The following ZBTB46 variants were observed in gnomAD, a reference collection of about 807,000 sequenced individuals.
ZBTB46 encodes zinc finger and BTB domain-containing protein 46.
Under a neutral mutation model 44.1 loss-of-function variants are expected in ZBTB46, and 8 were observed. That is an observed-to-expected ratio of 0.18 (90% CI 0.11 to 0.33). The LOEUF is 0.33. ZBTB46 is among the 10% of genes least tolerant of loss of function. The probability of loss-of-function intolerance (pLI) is 1.00; values close to 1 mark genes in which losing one functional copy is unlikely to be tolerated. For missense variants in ZBTB46, 651 were observed against 847.7 expected (o/e 0.77, Z 2.88); for synonymous variants, 409 against 382.3 (o/e 1.07, Z -0.81).
At chr20:63,812,703 C>T (rs998688119) in intron 1 of ZBTB46, among the ~76,000 whole-genome samples, 10 of 151,988 alleles carry the variant, frequency 6.6e-5, no homozygotes, top group African/African-American at 2.2e-4. Context: ...CACTTGAACC[C>T]GGGAGGTGGG....
intron 1 of ZBTB46, among the ~76,000 whole-genome samples, chr20:63,830,090 C>T (rs2092840118): frequency 6.6e-6 from 1 of 152,242 alleles, no homozygotes; most frequent in Non-Finnish European, 1.5e-5. Flanking sequence ...CTCAAACTTT[C>T]TTTTGTTTAT....
chr20:63,799,689 C>T (rs535316806), intron 1 of ZBTB46, among the ~76,000 whole-genome samples: 8 of 152,278 alleles, frequency 5.3e-5, no homozygotes, highest in African/African-American at 1.7e-4. Context: ...TTTGAACAGA[C>T]ACATCACAAA....
In ZBTB46 at chr20:63,774,697, TGTTTTTTTTTTTG is replaced by T. The variant is rs1261963741; in HGVS notation, c.1222+968_1222+980del. Among the ~76,000 whole-genome samples, 11 of 119,508 alleles carry T rather than the reference TGTTTTTTTTTTTG, an allele frequency of 9.2e-5. 1 individual carries two copies. The highest frequency in any genetic ancestry group is 6.6e-4 in the East Asian group (3 of 4,522). 78.4% of individuals were successfully genotyped at this position (119,508 alleles called of 152,430 possible). ...GGGGCTGGCTGCGGTGGGTTTTTTT[TGTTTTTTTTTTTG>T]TTTTTTTTTTTGAGACAGAGTCTCC... On this transcript the variant is annotated intron_variant, in intron 3 of 4. Transcript: ENST00000245663.
Position 63,790,181 on chromosome 20 carries a change from C to A in ZBTB46, c.577G>T (p.Gly193Trp). 6.2e-7 allele frequency: 1 copy of A among 1,613,744 alleles called. No homozygotes were observed. The highest frequency in any genetic ancestry group is 8.5e-7 in the Non-Finnish European group (1 of 1,179,978). ...TGATCCTCTTTCCCGTAGCTGCTCC[C>A]TCCGTCGTGACAGCTGGCGATGGCC... ...DSAIASCHDG[G>W]SSYGKEDQEP... The change falls in exon 2 of 5, where the codon GGG becomes TGG. Residue 193 changes from glycine (G) to tryptophan (W), a missense_variant. Around this residue, in one of 5 missense-constraint regions of ZBTB46, gnomAD observed 385 missense variants for 423.3 expected, o/e 0.91. Coordinates refer to ENST00000245663, the MANE Select transcript of ZBTB46 (RefSeq NM_001369741.1).
chr20:63,823,497 C>CAAAA lies in ZBTB46; in HGVS notation c.-34+7596_-34+7599dup, dbSNP rs1022466907. Among the ~76,000 whole-genome samples the CAAAA allele has an allele frequency of 6.5e-4, 83 of 128,582 alleles. 1 individual carries two copies. Among genetic ancestry groups the CAAAA allele is most frequent in the Non-Finnish European group, 1.5e-4 (9 of 61,844 alleles). 84.4% of individuals were successfully genotyped at this position (128,582 alleles called of 152,430 possible). A position where few individuals can be genotyped will look rare whatever the true frequency, so the allele number is the denominator to read the frequency against. On this transcript the variant is annotated intron_variant, in intron 1 of 4. Transcript: ENST00000245663. ...TTAGCGACAGAGTGAGACCCTGTCTCAAAAAAATAAATAAATAAATAAGAT... is the reference window on the plus strand; with the variant it reads ...TTAGCGACAGAGTGAGACCCTGTCTCAAAAAAAAAAATAAATAAATAAATAAGAT...
Position 63,746,974 on chromosome 20 carries a change from T to G in ZBTB46, c.1726A>C (p.Ser576Arg), listed in dbSNP as rs1264970204. 1 of 1,600,864 alleles carries G rather than the reference T, an allele frequency of 6.2e-7. No homozygotes were observed. The highest frequency in any genetic ancestry group is 8.5e-7 in the Non-Finnish European group (1 of 1,176,932). Reference protein sequence around the residue: ...KDEEDSPRPRSPPGGPDKDFA... With the variant: ...KDEEDSPRPRRPPGGPDKDFA... ...TCCTTGTCAGGGCCTCCTGGGGGGC[T>G]GCGCGGCCGCGGCGAGTCTTCCTCA... The change falls in exon 5 of 5, where the codon AGC becomes CGC. Residue 576 changes from serine to arginine, a missense_variant. This residue lies in a region of ZBTB46 where 106 missense variants were observed against 81.0 expected (regional missense o/e 1.31). Transcript: ENST00000245663.
rs6011127 is a variant in ZBTB46 at position 63,803,905 on chromosome 20, G to A, written c.-33-13115C>T. On this transcript the variant is annotated intron_variant, in intron 1 of 4. Coordinates refer to ENST00000245663, the MANE Select transcript of ZBTB46 (RefSeq NM_001369741.1). This position sits in a 1 kb window ranked among gnomAD's most constrained non-coding sequence, Gnocchi z 4.0. ...TGTTTTGTAGAGACGGGGTTCTGTC[G>A]TGTTGCCCAGGTTGGTCTTGAATTC... Among the ~76,000 whole-genome samples the A allele has an allele frequency of 0.18, 27,853 of 152,044 alleles. 3,146 individuals are homozygous for A. The highest frequency in any genetic ancestry group is 0.45 in the East Asian group (2,315 of 5,158).
In ZBTB46 at chr20:63,790,188, G is replaced by C. The variant is rs375452207; in HGVS notation, c.570C>G (p.His190Gln). Residue 190 changes from histidine to glutamine, a missense_variant, in exon 2 of 5, where the codon CAC becomes CAG. Physicochemically the swap from His to Gln is conservative, Grantham distance 24. Around this residue, in one of 5 missense-constraint regions of ZBTB46, gnomAD observed 385 missense variants for 423.3 expected, o/e 0.91. Transcript: ENST00000245663. ...SSGDSAIASC[H>Q]DGGSSYGKED... ...CTTTCCCGTAGCTGCTCCCTCCGTC[G>C]TGACAGCTGGCGATGGCCGAGTCTC... 1.7e-5 allele frequency: 28 copies of C among 1,613,346 alleles called. No homozygotes were observed. The highest frequency in any genetic ancestry group is 2.3e-5 in the Non-Finnish European group (27 of 1,179,930).
chr20:63,808,267 G>A (rs1477240642), intron 1 of ZBTB46: 2 of 152,440 alleles, frequency 1.3e-5, no homozygotes, highest in African/African-American at 2.4e-5. Context: ...TGGGGCCCCA[G>A]CGATGAACCT....
At chr20:63,792,237 C>G (rs1161965886) in intron 1 of ZBTB46, among the ~76,000 whole-genome samples, 2 of 152,164 alleles carry the variant, frequency 1.3e-5, no homozygotes, top group Non-Finnish European at 2.9e-5. Flanking sequence ...CACGTTCACC[C>G]CACAGCCCTG....
At chr20:63,794,207 TTATC>T (rs908575169) in intron 1 of ZBTB46, among the ~76,000 whole-genome samples, 2 of 147,622 alleles carry the variant, frequency 1.4e-5, no homozygotes, top group African/African-American at 5.0e-5. Context: ...AAAAAAAAAG[TTATC>T]TATCCACTAA....
In ZBTB46 at chr20:63,790,771, T is replaced by C. The variant is rs1405934152; in HGVS notation, c.-14A>G. ...TCGGTTGTTCATTTGGAAGCCCTGGTGTCGCCTCTTCTACAGACTCTGTGG... is the reference window on the plus strand; with the variant it reads ...TCGGTTGTTCATTTGGAAGCCCTGGCGTCGCCTCTTCTACAGACTCTGTGG... On this transcript the variant is annotated 5_prime_UTR_variant, in exon 2 of 5. Coordinates refer to ENST00000245663, the MANE Select transcript of ZBTB46 (RefSeq NM_001369741.1). The C allele has an allele frequency of 6.3e-7, 1 of 1,586,756 alleles. No individual in the cohort carries two copies. The highest frequency in any genetic ancestry group is 1.1e-5 in the South Asian group (1 of 88,700).
At position 63,746,742 on chromosome 20, in the gene ZBTB46, C is replaced by T; in HGVS notation, c.*188G>A. The stretch of plus-strand genomic sequence containing the variant: ...ACTCACTTCATGTCTGGTCCCAGAG[C>T]ACCCCTCTTGCTGGGGTCGCACCTG... On this transcript the variant is annotated 3_prime_UTR_variant, in exon 5 of 5. Coordinates refer to ENST00000245663, the MANE Select transcript of ZBTB46 (RefSeq NM_001369741.1). 1 of 887,590 alleles carries T rather than the reference C, an allele frequency of 1.1e-6. No individual in the cohort carries two copies. The highest frequency in any genetic ancestry group is 1.6e-6 in the Non-Finnish European group (1 of 625,690). The allele number at this position is 887,590 out of a possible 1,614,324, so 55.0% of individuals were successfully genotyped here.
chr20:63,822,428 G>T (rs1471600807), intron 1 of ZBTB46, among the ~76,000 whole-genome samples: 2 of 152,212 alleles, frequency 1.3e-5, no homozygotes, highest in Non-Finnish European at 2.9e-5. Context: ...GCAAAACCCA[G>T]CCCTGGGACT....
intron 3 of ZBTB46, among the ~76,000 whole-genome samples, chr20:63,754,742 G>C (rs966909376): frequency 1.3e-5 from 2 of 152,058 alleles, no homozygotes; most frequent in African/African-American, 4.8e-5. Context: ...TGGGACTACA[G>C]GCGCCCGCCA....
chr20:63,790,929 G>C, intron 1 of ZBTB46, 139 bp from the exon 2 acceptor site: 1 of 1,249,294 alleles, frequency 8.0e-7, no homozygotes, highest in Non-Finnish European at 1.1e-6. Context: ...CCATCCACAG[G>C]TGTGCAGCGG....
intron 2 of ZBTB46, chr20:63,788,209 C>T (rs1319883361): frequency 6.6e-6 from 1 of 152,242 alleles, no homozygotes; most frequent in Non-Finnish European, 1.5e-5. Context: ...ACATCTTGGG[C>T]TCAAGCCATC....
rs1233113915 is a variant in ZBTB46 at position 63,831,034 on chromosome 20, G to A, written c.-34+63C>T. ...GCCCCGGCTCCCGGCTCCCGGCTCC[G>A]GGCCCGGCCCCCGCCGCGATGCGCC... On this transcript the variant is annotated intron_variant, in intron 1 of 4. Transcript: ENST00000245663. The A allele has an allele frequency of 5.6e-5, 8 of 142,220 alleles. No individual in the cohort carries two copies. In the South Asian group the frequency reaches 1.7e-3, roughly 31 times the overall value. The allele number at this position is 142,220 out of a possible 1,614,324, so 8.8% of individuals were successfully genotyped here. A position where few individuals can be genotyped will look rare whatever the true frequency, so the allele number is the denominator to read the frequency against.
At chr20:63,776,835 T>C (rs1262934945) in intron 2 of ZBTB46, among the ~76,000 whole-genome samples, 1 of 151,022 alleles carries the variant, frequency 6.6e-6, no homozygotes, top group African/African-American at 2.4e-5. Context: ...CCTATATATC[T>C]GATAATAAAA....
Sources: gnomAD v4.1 joint callset for allele counts (sites outside exome capture counted in the v4.1 genomes callset) on GRCh38, gnomAD v4.1.1 for gene constraint, gnomAD v4.1.1 regional missense constraint, Gnocchi (gnomAD v3.1) non-coding constraint, MANE v1.5 for transcripts, NCBI Gene and HGNC (gene_info 2026-07-23, HGNC 2026-07-21) for gene names.